DLEC1: variants seen among roughly 807,000 people sequenced by gnomAD.
DLEC1 encodes deleted in lung and esophageal cancer protein 1.
Under a neutral mutation model 198.1 loss-of-function variants are expected in DLEC1, and 146 were observed. The ratio of observed to expected loss-of-function variants is 0.74; its 90% CI spans 0.64 to 0.85. The LOEUF (loss-of-function observed/expected upper bound fraction) is 0.85, where lower values mean the gene tolerates loss of function less well. Ranked by LOEUF, DLEC1 falls within the 40% of genes least tolerant of loss-of-function variation. DLEC1 has a pLI of 0.00. For missense variants in DLEC1, 2,233 were observed against 2,220.0 expected (o/e 1.01, Z -0.12); for synonymous variants, 897 against 866.8 (o/e 1.03, Z -0.61).
intron 3 of DLEC1, among the ~76,000 whole-genome samples, chr3:38,061,081 C>G (rs1198812261): frequency 1.3e-5 from 2 of 152,220 alleles, no homozygotes; most frequent in African/African-American, 2.4e-5. Flanking sequence ...AGGCATTGTG[C>G]TAAGAGATTT....
chr3:38,072,020 C>A (rs1158739276), intron 6 of DLEC1, among the ~76,000 whole-genome samples: 1 of 152,036 alleles, frequency 6.6e-6, no homozygotes, highest in Non-Finnish European at 1.5e-5. Flanking sequence ...GGCAATTAGG[C>A]CTGGTGGAAC....
At chr3:38,105,841 T>C (rs1699541492) in intron 19 of DLEC1, among the ~76,000 whole-genome samples, 1 of 152,186 alleles carries the variant, frequency 6.6e-6, no homozygotes, top group African/African-American at 2.4e-5. Context: ...GTTTCCTGCA[T>C]TCCTTGTGTT....
intron 19 of DLEC1, among the ~76,000 whole-genome samples, chr3:38,107,365 C>T (rs886696316): frequency 3.3e-5 from 5 of 152,042 alleles, no homozygotes; most frequent in South Asian, 2.1e-4. Flanking sequence ...TTTTAAATTT[C>T]GATTTCCACA....
chr3:38,055,659 G>T (rs1053425938), intron 2 of DLEC1, among the ~76,000 whole-genome samples: 2 of 152,030 alleles, frequency 1.3e-5, no homozygotes, highest in African/African-American at 4.8e-5. Flanking sequence ...CTGGAGAAAG[G>T]GTGTGATTCT....
rs1472014569 is a variant in DLEC1, at chr3:38,059,757, G to GATGGTGT, written c.581_587dup (p.Ile196MetfsTer31). On this transcript the variant is annotated frameshift_variant, in exon 3 of 37. Transcript: ENST00000308059. LOFTEE classifies it high-confidence loss of function. ...TTCTATGAAGTGAAGAGTGTCTCCA[G>GATGGTGT]ATGGTGTATAGACAGCGAGTTGCTA... 28 of 1,614,074 alleles carry GATGGTGT rather than the reference G, an allele frequency of 1.7e-5. No homozygotes were observed. The highest frequency in any genetic ancestry group is 2.4e-5 in the Non-Finnish European group (28 of 1,179,962).
chr3:38,041,766 T>C (rs946297875), intron 1 of DLEC1, among the ~76,000 whole-genome samples: 6 of 144,388 alleles, frequency 4.2e-5, no homozygotes, highest in African/African-American at 1.6e-4. Flanking sequence ...GAGAATTGCA[T>C]GAACCCAGGA....
intron 6 of DLEC1, among the ~76,000 whole-genome samples, chr3:38,065,161 A>G (rs1553614051): frequency 6.6e-6 from 1 of 152,220 alleles, no homozygotes. Context: ...GCACAGCGAA[A>G]CCCCGTCTCC....
chr3:38,046,935 T>C (rs80053639), intron 2 of DLEC1, among the ~76,000 whole-genome samples: 1 of 152,214 alleles, frequency 6.6e-6, no homozygotes, highest in Non-Finnish European at 1.5e-5. Flanking sequence ...TTCTGTAGGA[T>C]GGGGATGGTT....
intron 2 of DLEC1, among the ~76,000 whole-genome samples, chr3:38,054,354 C>G (rs561618246): frequency 6.6e-6 from 1 of 152,328 alleles, no homozygotes; most frequent in African/African-American, 2.4e-5. Flanking sequence ...GAGGCACTGA[C>G]GTTTTTCTGG....
chr3:38,084,506 A>AGTAGTAGTAGTGGGGGGGTG (rs1698301131), intron 7 of DLEC1, among the ~76,000 whole-genome samples: 4 of 776 alleles, frequency 5.2e-3, no homozygotes. Flanking sequence ...TAGTAGTGGT[A>AGTAGTAGTAGTGGGGGGGTG]GTAGTAGTAG....
At position 38,039,595 on chromosome 3, in the gene DLEC1, G is replaced by A. The variant is rs760214352; in HGVS notation, c.370G>A (p.Glu124Lys). The A allele has an allele frequency of 3.1e-6, 5 of 1,610,930 alleles. No individual in the cohort carries two copies. Among genetic ancestry groups the A allele is most frequent in the Non-Finnish European group, 4.2e-6 (5 of 1,178,052 alleles). The change falls in exon 1 of 37, where the codon GAG becomes AAG. Residue 124 changes from glutamate to lysine, a missense_variant. Physicochemically the swap from Glu to Lys is moderately conservative, Grantham distance 56. Transcript: ENST00000308059. ...SASLIKARGSENERHEEFVDQ... is the reference protein window; with the variant it reads ...SASLIKARGSKNERHEEFVDQ... ...AAGCTTGATCAAGGCCCGCGGCAGC[G>A]AGAATGAGCGCCACGAGGAGTTCGT...
At chr3:38,111,621 G>C (rs905068222) in intron 23 of DLEC1, 56 bp from the exon 24 acceptor site, 3 of 1,583,076 alleles carry the variant, frequency 1.9e-6, no homozygotes, top group Non-Finnish European at 2.6e-6. Context: ...ACCTGGCTCA[G>C]GTCTTGGGAC....
At chr3:38,053,181 G>T (rs1701217185) in intron 2 of DLEC1, among the ~76,000 whole-genome samples, 1 of 152,228 alleles carries the variant, frequency 6.6e-6, no homozygotes, top group African/African-American at 2.4e-5. Flanking sequence ...CTCCCAAAGT[G>T]CCGAGATTGC....
intron 6 of DLEC1, among the ~76,000 whole-genome samples, chr3:38,067,494 T>G (rs1262422331): frequency 6.6e-6 from 1 of 152,216 alleles, no homozygotes; most frequent in Non-Finnish European, 1.5e-5. Flanking sequence ...TACAAATTCT[T>G]TGGGTGAAAA....
chr3:38,110,845 TACAC>T (rs930132718), intron 23 of DLEC1, among the ~76,000 whole-genome samples: 7 of 151,670 alleles, frequency 4.6e-5, no homozygotes, highest in South Asian at 2.1e-4. Flanking sequence ...CATACACACA[TACAC>T]ACATGCATAT....
chr3:38,080,170 C>A (rs573880643), intron 6 of DLEC1, among the ~76,000 whole-genome samples: 1 of 152,064 alleles, frequency 6.6e-6, no homozygotes, highest in Non-Finnish European at 1.5e-5. Flanking sequence ...CTCCAGCCAC[C>A]TTTTTAAGAG....
At chr3:38,092,384 G>T (rs1487049396) in intron 10 of DLEC1, among the ~76,000 whole-genome samples, 1 of 152,160 alleles carries the variant, frequency 6.6e-6, no homozygotes, top group Non-Finnish European at 1.5e-5. Flanking sequence ...CAGGGTTGGG[G>T]GTTGGGGGAA....
intron 6 of DLEC1, among the ~76,000 whole-genome samples, chr3:38,064,441 CTCTT>C (rs1696883866): frequency 6.6e-6 from 1 of 152,250 alleles, no homozygotes; most frequent in African/African-American, 2.4e-5. Context: ...AATCTGATCT[CTCTT>C]TCTTTTCCCC....
intron 19 of DLEC1, among the ~76,000 whole-genome samples, chr3:38,101,050 A>G (rs997879558): frequency 3.3e-5 from 5 of 151,944 alleles, no homozygotes; most frequent in Non-Finnish European, 7.4e-5. Context: ...AGTATAATAA[A>G]CCTCCACATA....
Sources: allele counts gnomAD v4.1 joint callset (sites outside exome capture counted in the v4.1 genomes callset), GRCh38; gene constraint gnomAD v4.1.1; transcripts MANE v1.5; gene names NCBI Gene and HGNC (gene_info 2026-07-23, HGNC 2026-07-21).